ABCC1: variants seen among roughly 807,000 people sequenced by gnomAD.
The protein encoded by ABCC1 is multidrug resistance-associated protein 1.
A neutral mutation model predicts 172.9 loss-of-function variants in ABCC1; 83 were observed. That is an observed-to-expected ratio of 0.48 (90% CI 0.40 to 0.58). The LOEUF is 0.58. Among genes scored for constraint, ABCC1 ranks in the 20% least tolerant of loss-of-function variants. The pLI, the probability that ABCC1 is intolerant of heterozygous loss-of-function variation, is 0.00. For missense variants in ABCC1, 1,817 were observed against 2,002.7 expected (o/e 0.91, Z 1.77); for synonymous variants, 937 against 825.2 (o/e 1.14, Z -2.32).
intron 18 of ABCC1, among the ~76,000 whole-genome samples, chr16:16,087,989 C>T (rs1792365658): frequency 6.6e-6 from 1 of 152,086 alleles, no homozygotes; most frequent in Admixed American, 6.6e-5. Context: ...CCCATACATA[C>T]CACTAACATT....
At position 16,111,488 on chromosome 16, in the gene ABCC1, G is replaced by T; in HGVS notation, c.2985G>T (p.Trp995Cys). 6.2e-7 allele frequency: 1 copy of T among 1,614,104 alleles called. No individual in the cohort carries two copies. The highest frequency in any genetic ancestry group is 8.5e-7 in the Non-Finnish European group (1 of 1,180,018). The change falls in exon 22 of 31, where the codon TGG becomes TGT. Residue 995 changes from tryptophan (W) to cysteine (C), a missense_variant. By Grantham distance (215) the Trp-to-Cys change is radical. Around this residue, in one of 3 missense-constraint regions of ABCC1, gnomAD observed 1,412 missense variants for 1,600.3 expected, o/e 0.88. Transcript: ENST00000399410. ...TGTCCGCGCTGGCTTCCAACTATTG[G>T]CTCAGCCTCTGGACTGATGACCCCA... is the stretch of plus-strand genomic sequence containing the variant. ...NHVSALASNY[W>C]LSLWTDDPIV...
At chr16:16,139,234 C>T (rs1441721349) in intron 30 of ABCC1, among the ~76,000 whole-genome samples, 5 of 152,278 alleles carry the variant, frequency 3.3e-5, no homozygotes, top group African/African-American at 7.2e-5. Flanking sequence ...GACGGGATAG[C>T]GAGTGCTGGG....
rs576093169 is a variant in ABCC1, at chr16:16,007,262, C to G, written c.49-554C>G. ...TGTGTGTGAGAGACAGGGTCTCGCT[C>G]TGTTGCCCAGGGTGTAGTACAGTGG... is the stretch of plus-strand genomic sequence containing the variant. On this transcript the variant is annotated intron_variant, in intron 1 of 30. Coordinates refer to ENST00000399410, the MANE Select transcript of ABCC1 (RefSeq NM_004996.4). Among the ~76,000 whole-genome samples the G allele has an allele frequency of 1.0e-4, 15 of 146,662 alleles. No homozygotes were observed. In the Middle Eastern group the frequency reaches 0.014, roughly 133 times the overall value.
At chr16:16,098,209 C>G (rs2152044343) in intron 19 of ABCC1, 1 of 155,290 alleles carries the variant, frequency 6.4e-6, no homozygotes, top group South Asian at 2.0e-4. Flanking sequence ...CTCCCAGTGT[C>G]ATGCCTGGCC....
chr16:16,041,568 T>G (rs1266833149), intron 7 of ABCC1, among the ~76,000 whole-genome samples: 1 of 152,136 alleles, frequency 6.6e-6, no homozygotes, highest in African/African-American at 2.4e-5. Flanking sequence ...CTGTAACCCC[T>G]GTGAACCTGG....
chr16:16,128,335 G>C (rs570227178), intron 26 of ABCC1, among the ~76,000 whole-genome samples: 201 of 152,018 alleles, frequency 1.3e-3, no homozygotes, highest in African/African-American at 4.6e-3. Flanking sequence ...ATTTTTAGTA[G>C]AGAAGGGATT....
At position 16,090,521 on chromosome 16, in the gene ABCC1, C is replaced by T. The variant is rs780647410; in HGVS notation, c.2577C>T (p.Asp859=). Residue 859 remains aspartate (D), a synonymous_variant, in exon 19 of 31, where the codon GAC becomes GAT. Coordinates refer to ENST00000399410, the MANE Select transcript of ABCC1 (RefSeq NM_004996.4). Reference sequence around the variant, plus strand: ...CCTACCAGGAGCTGCTGGCTCGAGACGGCGCCTTCGCTGAGTTCCTGCGTA... The same window carrying T: ...CCTACCAGGAGCTGCTGGCTCGAGATGGCGCCTTCGCTGAGTTCCTGCGTA... The part of the protein sequence containing the change: ...MGSYQELLAR[D]GAFAEFLRTY... 2.0e-5 allele frequency: 32 copies of T among 1,613,618 alleles called. No homozygotes were observed. The highest frequency in any genetic ancestry group is 3.3e-5 in the Admixed American group (2 of 59,994).
chr16:16,040,722 A>G (rs2048943473), intron 7 of ABCC1, among the ~76,000 whole-genome samples: 1 of 152,098 alleles, frequency 6.6e-6, no homozygotes, highest in Admixed American at 6.6e-5. Context: ...TCTTGGCTTC[A>G]AGCAGTCCTC....
At position 16,044,685 on chromosome 16, in the gene ABCC1, G is replaced by C; in HGVS notation, c.1040+5G>C. 1.2e-6 allele frequency: 2 copies of C among 1,612,634 alleles called. No homozygotes were observed. The highest frequency in any genetic ancestry group is 1.7e-6 in the Non-Finnish European group (2 of 1,178,692). ...TTCCGGGCCGCAGATCTTAAAGTAAGACCCCTTCCCTCCCAGGTGGGCTCC... is the reference window on the plus strand; with the variant it reads ...TTCCGGGCCGCAGATCTTAAAGTAACACCCCTTCCCTCCCAGGTGGGCTCC... On this transcript the variant is annotated splice_donor_5th_base_variant and intron_variant, in intron 8 of 30. Transcript: ENST00000399410.
intron 12 of ABCC1, among the ~76,000 whole-genome samples, chr16:16,062,274 C>T (rs1437709270): frequency 6.6e-6 from 1 of 152,192 alleles, no homozygotes; most frequent in African/African-American, 2.4e-5. Context: ...TCACTTCCTG[C>T]CCTGTTCCCC....
intron 7 of ABCC1, among the ~76,000 whole-genome samples, chr16:16,043,402 G>A (rs1268091980): frequency 2.7e-5 from 4 of 150,910 alleles, no homozygotes; most frequent in South Asian, 4.2e-4. Context: ...GGGTTTAAGC[G>A]ATTCTCCTGC....
chr16:15,983,552 C>CTTTT (rs11416710), intron 1 of ABCC1, among the ~76,000 whole-genome samples: 2,740 of 126,248 alleles, frequency 0.022, 62 homozygotes, highest in Middle Eastern at 0.041. Flanking sequence ...GTACACCACA[C>CTTTT]TTTTTTTTTT....
At chr16:16,069,824 GACC>G (rs1226359448) in intron 13 of ABCC1, among the ~76,000 whole-genome samples, 4 of 152,102 alleles carry the variant, frequency 2.6e-5, no homozygotes, top group African/African-American at 7.2e-5. Flanking sequence ...AGGAGTTCGA[GACC>G]AGCCTGGCCA....
Position 16,044,691 on chromosome 16 carries a change from T to C in ABCC1, c.1040+11T>C. The stretch of plus-strand genomic sequence containing the variant: ...GCCGCAGATCTTAAAGTAAGACCCC[T>C]TCCCTCCCAGGTGGGCTCCATTTTC... On this transcript the variant is annotated intron_variant, in intron 8 of 30. Transcript: ENST00000399410. The C allele has an allele frequency of 6.2e-7, 1 of 1,610,338 alleles. No homozygotes were observed. The highest frequency in any genetic ancestry group is 8.5e-7 in the Non-Finnish European group (1 of 1,176,588).
chr16:16,064,140 G>C (rs1298152749), intron 12 of ABCC1, among the ~76,000 whole-genome samples: 1 of 152,174 alleles, frequency 6.6e-6, no homozygotes, highest in African/African-American at 2.4e-5. Context: ...TTAGGGAGTG[G>C]GCTGGAGTGT....
intron 1 of ABCC1, among the ~76,000 whole-genome samples, chr16:15,950,671 T>A (rs1052189852): frequency 6.6e-6 from 1 of 152,218 alleles, no homozygotes; most frequent in Admixed American, 6.5e-5. Flanking sequence ...GCGATTTGCC[T>A]CTTTGTTCCA....
At chr16:16,045,782 C>T (rs1031544136) in intron 8 of ABCC1, 54 bp from the exon 9 acceptor site, 1 of 1,572,150 alleles carries the variant, frequency 6.4e-7, no homozygotes, top group South Asian at 1.1e-5. Context: ...AAGCTCTCTT[C>T]CCTGCCCCCA....
At chr16:16,102,591 T>C (rs1338041345) in intron 19 of ABCC1, 36 bp from the exon 20 acceptor site, 3 of 1,550,230 alleles carry the variant, frequency 1.9e-6, no homozygotes, top group Non-Finnish European at 8.7e-7. Context: ...CTGCCTCATA[T>C]AACCCCACTT....
At chr16:16,085,165 C>A (rs1341768872) in intron 17 of ABCC1, among the ~76,000 whole-genome samples, 2 of 152,176 alleles carry the variant, frequency 1.3e-5, no homozygotes, top group African/African-American at 4.8e-5. Context: ...CATTCTCTGC[C>A]TCTCACCACT....
Sources: allele counts gnomAD v4.1 joint callset (sites outside exome capture counted in the v4.1 genomes callset), GRCh38; gene constraint gnomAD v4.1.1; regional missense constraint gnomAD v4.1.1; transcripts MANE v1.5; gene names NCBI Gene and HGNC (gene_info 2026-07-23, HGNC 2026-07-21).